ROBO3: variants seen among roughly 807,000 people sequenced by gnomAD.
ROBO3 encodes roundabout guidance receptor 3, also known as roundabout homolog 3.
A neutral mutation model predicts 160.5 loss-of-function variants in ROBO3; 97 were observed. The observed-to-expected ratio is 0.60, with a 90% confidence interval of 0.51 to 0.72. ROBO3 has a LOEUF of 0.72. ROBO3 is among the 30% of genes least tolerant of loss of function. The pLI is 0.00. For missense variants in ROBO3, 1,858 were observed against 1,846.5 expected, an observed-to-expected ratio of 1.01 and a Z score of -0.11; for synonymous variants, 780 against 746.2, an observed-to-expected ratio of 1.05 and a Z score of -0.74.
intron 25 of ROBO3, 69 bp downstream of exon 25, chr11:124,879,644 A>C: frequency 1.3e-6 from 2 of 1,521,836 alleles, no homozygotes; most frequent in Non-Finnish European, 9.0e-7. Flanking sequence ...CCAAGGGTGC[A>C]CTCTGGGGGC....
In ROBO3 at chr11:124,881,381, G is replaced by T; in HGVS notation, c.*131G>T. 2.3e-6 allele frequency: 2 copies of T among 857,860 alleles called. No individual in the cohort carries two copies. The highest frequency in any genetic ancestry group is 2.2e-5 in the Admixed American group (1 of 45,046). The allele number at this position is 857,860 out of a possible 1,614,324, so 53.1% of individuals were successfully genotyped here. On this transcript the variant is annotated 3_prime_UTR_variant, in exon 28 of 28. Coordinates refer to ENST00000397801, the MANE Select transcript of ROBO3 (RefSeq NM_022370.4). ...TTCCACGATTTCAATTGGCTGAGAAGGCAGAGAGCTAGCTCCTCCCTTTCT... is the reference window on the plus strand; with the variant it reads ...TTCCACGATTTCAATTGGCTGAGAATGCAGAGAGCTAGCTCCTCCCTTTCT...
Position 124,876,957 on chromosome 11 carries a change from G to C in ROBO3, c.2780-204G>C. On this transcript the variant is annotated intron_variant, in intron 17 of 27. Coordinates refer to ENST00000397801, the MANE Select transcript of ROBO3 (RefSeq NM_022370.4). This position sits in a 1 kb window ranked among gnomAD's most constrained non-coding sequence, Gnocchi z 5.3. ...GGTCAGTGGTTTTCAATCTTGGTTG[G>C]CTACACATAGGAATCACTTGAGGGG... is the stretch of plus-strand genomic sequence containing the variant. 1.5e-6 allele frequency: 1 copy of C among 658,468 alleles called. No individual in the cohort carries two copies. Among genetic ancestry groups the C allele is most frequent in the East Asian group, 2.7e-5 (1 of 36,976 alleles). The allele number at this position is 658,468 out of a possible 1,614,324, so 40.8% of individuals were successfully genotyped here. A position where few individuals can be genotyped will look rare whatever the true frequency, so the allele number is the denominator to read the frequency against.
In ROBO3 at chr11:124,873,719, C is replaced by A. The variant is rs1273670987; in HGVS notation, c.1641C>A (p.Asp547Glu). 1.9e-6 allele frequency: 3 copies of A among 1,612,854 alleles called. No individual in the cohort carries two copies. The highest frequency in any genetic ancestry group is 1.7e-5 in the Admixed American group (1 of 59,912). Residue 547 changes from aspartate to glutamate, a missense_variant, in exon 11 of 28, where the codon GAC (aspartate) becomes GAA (glutamate). Asp to Glu is a conservative substitution (Grantham distance 45). Transcript: ENST00000397801. The surrounding 1 kb of genome is among the most constrained non-coding windows in gnomAD (Gnocchi z 4.5). ...KMREDWGVSP[D>E]PPTEPSSPPG... ...CAGAAGACTGGGGAGTATCACCAGA[C>A]CCCCCTACAGAACCCAGTTCCCCTC...
At position 124,876,548 on chromosome 11, in the gene ROBO3, G is replaced by A; in HGVS notation, c.2779+88G>A. The A allele has an allele frequency of 8.6e-7, 1 of 1,157,386 alleles. No individual in the cohort carries two copies. The highest frequency in any genetic ancestry group is 2.4e-5 in the South Asian group (1 of 41,506). 71.7% of individuals were successfully genotyped at this position (1,157,386 alleles called of 1,614,324 possible). On this transcript the variant is annotated intron_variant, in intron 17 of 27. Transcript: ENST00000397801. This position sits in a 1 kb window ranked among gnomAD's most constrained non-coding sequence, Gnocchi z 5.3. ...CAGGGGCTTAGCCGCTGGCGAGTGA[G>A]GACCGGGTCGGGAGAAAGGGGTCGC...
chr11:124,878,868 G>GTGGA lies in ROBO3; in HGVS notation c.3533+84_3533+87dup, dbSNP rs1361826467. Reference sequence around the variant, plus strand: ...ATCTACTCAGTAGATGACTGGGTGGGTGGATGGATGGATGGGTGGATGGAT... The same window carrying GTGGA: ...ATCTACTCAGTAGATGACTGGGTGGGTGGATGGATGGATGGATGGGTGGATGGAT... On this transcript the variant is annotated intron_variant, in intron 23 of 27. Transcript: ENST00000397801. This position sits in a 1 kb window ranked among gnomAD's most constrained non-coding sequence, Gnocchi z 4.3. 3 of 1,266,470 alleles carry GTGGA rather than the reference G, an allele frequency of 2.4e-6. No individual in the cohort carries two copies. The highest frequency in any genetic ancestry group is 2.2e-6 in the Non-Finnish European group (2 of 896,008). 78.5% of individuals were successfully genotyped at this position (1,266,470 alleles called of 1,614,324 possible).
Position 124,873,190 on chromosome 11 carries a change from CCT to C in ROBO3, c.1536+104_1536+105del. The C allele has an allele frequency of 7.0e-7, 1 of 1,419,046 alleles. No individual in the cohort carries two copies. Among genetic ancestry groups the C allele is most frequent in the Non-Finnish European group, 9.8e-7 (1 of 1,024,954 alleles). 87.9% of individuals were successfully genotyped at this position (1,419,046 alleles called of 1,614,324 possible). ...CTGGGCCTGTAGCCCCATCTTTACC[CCT>C]CTGTTCTCTCAGAGCACCTAGTATC... On this transcript the variant is annotated intron_variant, in intron 9 of 27. Transcript: ENST00000397801. This position sits in a 1 kb window ranked among gnomAD's most constrained non-coding sequence, Gnocchi z 4.5.
chr11:124,870,310 GA>G lies in ROBO3; in HGVS notation c.905+8del. 1 of 1,612,320 alleles carries G rather than the reference GA, an allele frequency of 6.2e-7. No homozygotes were observed. The highest frequency in any genetic ancestry group is 8.5e-7 in the Non-Finnish European group (1 of 1,179,128). ...GGGAACTGCCCACAGGCAGGTGAGA[GA>G]CCCCCTTCTGCCTGTAGGAAGACCC... On this transcript the variant is annotated splice_region_variant and intron_variant, in intron 5 of 27. Coordinates refer to ENST00000397801, the MANE Select transcript of ROBO3 (RefSeq NM_022370.4).
chr11:124,867,538 G>A (rs190788863), intron 1 of ROBO3, among the ~76,000 whole-genome samples: 53 of 152,312 alleles, frequency 3.5e-4, no homozygotes, highest in African/African-American at 1.2e-3. Context: ...GAAGAGAAGG[G>A]TGAAAAGCAG....
chr11:124,865,587 T>TA lies in ROBO3; in HGVS notation c.11dup (p.Tyr4Ter). 3 of 1,611,916 alleles carry TA rather than the reference T, an allele frequency of 1.9e-6. No homozygotes were observed. The highest frequency in any genetic ancestry group is 2.5e-6 in the Non-Finnish European group (3 of 1,179,730). ...CCAGCTGGGTCGAGCCATGCTGCGCTACCTGCTGAAAACGCTGCTGCAGAT... is the reference window on the plus strand; with the variant it reads ...CCAGCTGGGTCGAGCCATGCTGCGCTAACCTGCTGAAAACGCTGCTGCAGAT... The part of the protein sequence containing the change: MLR[Y>*]LLKTLLQMNL... Residue 4 changes from tyrosine (Y) to a stop codon, truncating the protein, a stop_gained and frameshift_variant, in exon 1 of 28, where the codon TAC becomes TAAC. Transcript: ENST00000397801. LOFTEE classifies it high-confidence loss of function. The surrounding 1 kb of genome is among the most constrained non-coding windows in gnomAD (Gnocchi z 5.5).
chr11:124,880,380 C>T (rs1946545533), intron 26 of ROBO3, 38 bp from the exon 27 acceptor site: 2 of 1,608,992 alleles, frequency 1.2e-6, no homozygotes, highest in East Asian at 4.5e-5. Flanking sequence ...GTTCTGCTTC[C>T]TGCCTGCACC....
Position 124,880,463 on chromosome 11 carries a change from G to GCCAGGGCACCAGCACATGTT in ROBO3, c.4008_4027dup (p.Thr1343ArgfsTer83), listed in dbSNP as rs747546486. ...AGCAGACCAAGCTTCCTGTCCCGGG[G>GCCAGGGCACCAGCACATGTT]CCAGGGCACCAGCACATGTTCCACG... On this transcript the variant is annotated frameshift_variant, in exon 27 of 28. Coordinates refer to ENST00000397801, the MANE Select transcript of ROBO3 (RefSeq NM_022370.4). LOFTEE classifies it high-confidence loss of function. 1 of 1,611,244 alleles carries GCCAGGGCACCAGCACATGTT rather than the reference G, an allele frequency of 6.2e-7. No individual in the cohort carries two copies. Among genetic ancestry groups the GCCAGGGCACCAGCACATGTT allele is most frequent in the African/African-American group, 1.3e-5 (1 of 74,890 alleles).
At position 124,868,783 on chromosome 11, in the gene ROBO3, C is replaced by A. The variant is rs1298311196; in HGVS notation, c.161-19C>A. On this transcript the variant is annotated intron_variant, in intron 1 of 27. Transcript: ENST00000397801. Reference sequence around the variant, plus strand: ...ACAATTTCCCTGTCTGAACGCTCTGCGCCACCCCCTGTCCCCAGGGTCAAG... The same window carrying A: ...ACAATTTCCCTGTCTGAACGCTCTGAGCCACCCCCTGTCCCCAGGGTCAAG... The A allele has an allele frequency of 2.5e-6, 4 of 1,593,706 alleles. No homozygotes were observed. Among genetic ancestry groups the A allele is most frequent in the East Asian group, 2.3e-5 (1 of 43,934 alleles).
At chr11:124,866,318 G>C (rs1385216066) in intron 1 of ROBO3, among the ~76,000 whole-genome samples, 2 of 152,190 alleles carry the variant, frequency 1.3e-5, no homozygotes, top group African/African-American at 4.8e-5. Flanking sequence ...AGCTGTGGCG[G>C]GCGGGCGGAG....
At position 124,880,618 on chromosome 11, in the gene ROBO3, A is replaced by G. The variant is rs1246364638; in HGVS notation, c.4149+10A>G. On this transcript the variant is annotated intron_variant, in intron 27 of 27. Transcript: ENST00000397801. Reference sequence around the variant, plus strand: ...ACAGAAACGCCGAGAGGTAGGGGCCATAGATTGCAGAAAAATGAGGGCAGA... The same window carrying G: ...ACAGAAACGCCGAGAGGTAGGGGCCGTAGATTGCAGAAAAATGAGGGCAGA... 7 of 1,524,628 alleles carry G rather than the reference A, an allele frequency of 4.6e-6. No individual in the cohort carries two copies. The highest frequency in any genetic ancestry group is 6.2e-6 in the Non-Finnish European group (7 of 1,136,888). The allele number at this position is 1,524,628 out of a possible 1,614,324, so 94.4% of individuals were successfully genotyped here.
Position 124,871,021 on chromosome 11 carries a change from C to G in ROBO3, c.1041C>G (p.Pro347=). ...CTCACCTGCCCTTCCCAGTCCCACCCCAGTTGGTGACCCAGCCCCAGGACC... is the reference window on the plus strand; with the variant it reads ...CTCACCTGCCCTTCCCAGTCCCACCGCAGTTGGTGACCCAGCCCCAGGACC... ...ASGSLSVHVP[P]QLVTQPQDQM... The change falls in exon 7 of 28, where the codon CCC becomes CCG. Residue 347 remains proline (P), a synonymous_variant. Coordinates refer to ENST00000397801, the MANE Select transcript of ROBO3 (RefSeq NM_022370.4). 6.2e-7 allele frequency: 1 copy of G among 1,607,116 alleles called. No individual in the cohort carries two copies. Among genetic ancestry groups the G allele is most frequent in the Non-Finnish European group, 8.5e-7 (1 of 1,174,230 alleles).
At chr11:124,879,742 G>A (rs1333541937) in intron 25 of ROBO3, 45 bp from the exon 26 acceptor site, 1 of 1,610,024 alleles carries the variant, frequency 6.2e-7, no homozygotes, top group African/African-American at 1.3e-5. Flanking sequence ...AAAGATTAGT[G>A]ACAGGAGTGG....
chr11:124,872,534 C>T lies in ROBO3; in HGVS notation c.1312C>T (p.Leu438=). Residue 438 remains leucine (L), a synonymous_variant, in exon 8 of 28, where the codon CTG becomes TTG. Coordinates refer to ENST00000397801, the MANE Select transcript of ROBO3 (RefSeq NM_022370.4). This position sits in a 1 kb window ranked among gnomAD's most constrained non-coding sequence, Gnocchi z 4.3. ...GGCTGGCAGCATCCTGGCCAAGGCC[C>T]TGCTGGAGATAAAAGGAGGTACGTG... ...SVAGSILAKA[L]LEIKGASLDG... is the part of the protein sequence containing the mutation. 6.2e-7 allele frequency: 1 copy of T among 1,613,546 alleles called. No homozygotes were observed.
intron 5 of ROBO3, 67 bp downstream of exon 5, chr11:124,870,370 C>A: frequency 6.4e-7 from 1 of 1,550,928 alleles, no homozygotes. Context: ...CCCTAGAAAA[C>A]CGGAAGACAG....
chr11:124,879,294 C>T lies in ROBO3; in HGVS notation c.3638C>T (p.Pro1213Leu), dbSNP rs552716558. Residue 1213 changes from proline (P) to leucine (L), a missense_variant, in exon 24 of 28, where the codon CCC becomes CTC. Pro to Leu is a moderately conservative substitution (Grantham distance 98). Transcript: ENST00000397801. The stretch of plus-strand genomic sequence containing the variant: ...TTGGGTGCTGGCCCTGCAGCCTCAC[C>T]CCACCTCAGCCCCAGTCCTGCCCCT... ...AGLGAGPAASPHLSPSPAPST... is the reference protein window; with the variant it reads ...AGLGAGPAASLHLSPSPAPST... 1.2e-6 allele frequency: 2 copies of T among 1,603,508 alleles called. No individual in the cohort carries two copies. Among genetic ancestry groups the T allele is most frequent in the African/African-American group, 2.7e-5 (2 of 74,782 alleles).
Sources: allele counts gnomAD v4.1 joint callset (sites outside exome capture counted in the v4.1 genomes callset), GRCh38; gene constraint gnomAD v4.1.1; non-coding constraint Gnocchi (gnomAD v3.1); transcripts MANE v1.5; gene names NCBI Gene and HGNC (gene_info 2026-07-23, HGNC 2026-07-21).